Variants in SLC24A3 observed in about 807,000 individuals in gnomAD.
SLC24A3 encodes solute carrier family 24 member 3, also known as sodium/potassium/calcium exchanger 3.
SLC24A3 carries 28 observed loss-of-function variants against 75.8 expected under a neutral mutation model. The ratio of observed to expected loss-of-function variants is 0.37; its 90% CI spans 0.27 to 0.51. The LOEUF is 0.51. SLC24A3 is among the 20% of genes least tolerant of loss of function. SLC24A3 has a pLI of 0.94. For synonymous variants in SLC24A3, 372 were observed against 334.1 expected (o/e 1.11, Z -1.24); for missense variants, 663 against 847.8 (o/e 0.78, Z 2.71).
intron 2 of SLC24A3, among the ~76,000 whole-genome samples, chr20:19,347,203 G>T (rs1050738284): frequency 2.6e-5 from 4 of 152,196 alleles, no homozygotes; most frequent in African/African-American, 9.7e-5. Context: ...GTAGTTGCTT[G>T]GGGCTCCAGG....
chr20:19,692,987 C>G (rs922563167), intron 12 of SLC24A3, among the ~76,000 whole-genome samples: 3 of 152,092 alleles, frequency 2.0e-5, no homozygotes, highest in African/African-American at 7.2e-5. Context: ...TCCCCCTAGC[C>G]TGGTATTACT....
At position 19,685,764 on chromosome 20, in the gene SLC24A3, T is replaced by C. The variant is rs148012568; in HGVS notation, c.1324+403T>C. On this transcript the variant is annotated intron_variant, in intron 12 of 16. Transcript: ENST00000328041. Reference sequence around the variant, plus strand: ...AATCCATCTCGCTGACCAACTGCAATTGGGGATTTATATAGCAGGGAAGGA... The same window carrying C: ...AATCCATCTCGCTGACCAACTGCAACTGGGGATTTATATAGCAGGGAAGGA... Among the ~76,000 whole-genome samples the C allele has an allele frequency of 1.0e-3, 154 of 152,118 alleles. 1 individual carries two copies. The highest frequency in any genetic ancestry group is 3.5e-3 in the African/African-American group (146 of 41,506).
intron 2 of SLC24A3, among the ~76,000 whole-genome samples, chr20:19,294,258 T>G: frequency 6.6e-6 from 1 of 152,348 alleles, no homozygotes; most frequent in East Asian, 1.9e-4. Flanking sequence ...AAATTACTTT[T>G]AATCAATAAA....
intron 3 of SLC24A3, among the ~76,000 whole-genome samples, chr20:19,537,159 T>C (rs1453321511): frequency 3.9e-5 from 6 of 151,966 alleles, no homozygotes; most frequent in Non-Finnish European, 7.4e-5. Flanking sequence ...GAATCTACAA[T>C]GAACTCAAAC....
intron 2 of SLC24A3, among the ~76,000 whole-genome samples, chr20:19,294,169 T>G (rs935687327): frequency 1.4e-4 from 20 of 141,142 alleles, no homozygotes; most frequent in African/African-American, 6.1e-4. Flanking sequence ...TTCCAATTAT[T>G]TTTTAATGGA....
intron 2 of SLC24A3, among the ~76,000 whole-genome samples, chr20:19,422,385 G>A (rs1263551003): frequency 6.6e-6 from 1 of 152,152 alleles, no homozygotes; most frequent in African/African-American, 2.4e-5. Flanking sequence ...GGTATTGTGT[G>A]TTGGGAGAGC....
rs139334103 is a variant in SLC24A3 at position 19,614,551 on chromosome 20, C to T, written c.612+29007C>T. 1.6e-4 allele frequency among the ~76,000 whole-genome samples: 25 copies of T among 152,312 alleles called. No homozygotes were observed. In the East Asian group the frequency reaches 4.6e-3, roughly 28 times the overall value. ...AAGATCGCTTTGGATCCCATTCCACCGTTCTTGCCCACTTAGCACATGTTA... is the reference window on the plus strand; with the variant it reads ...AAGATCGCTTTGGATCCCATTCCACTGTTCTTGCCCACTTAGCACATGTTA... On this transcript the variant is annotated intron_variant, in intron 6 of 16. Transcript: ENST00000328041.
intron 2 of SLC24A3, among the ~76,000 whole-genome samples, chr20:19,303,726 T>C (rs1984254661): frequency 1.3e-5 from 2 of 152,196 alleles, no homozygotes; most frequent in Non-Finnish European, 2.9e-5. Context: ...ACCGTAAATG[T>C]TCTATGCAAA....
At chr20:19,513,400 A>G (rs879739649) in intron 2 of SLC24A3, among the ~76,000 whole-genome samples, 13 of 152,224 alleles carry the variant, frequency 8.5e-5, no homozygotes, top group Non-Finnish European at 1.5e-4. Flanking sequence ...GTTTGTGAGG[A>G]TAAGATGGGA....
At chr20:19,518,906 T>C (rs2030047796) in intron 3 of SLC24A3, among the ~76,000 whole-genome samples, 1 of 152,180 alleles carries the variant, frequency 6.6e-6, no homozygotes, top group Admixed American at 6.5e-5. Flanking sequence ...CAGAAGGGAA[T>C]GTGGAGGACA....
At chr20:19,501,827 C>T (rs1988388723) in intron 2 of SLC24A3, among the ~76,000 whole-genome samples, 1 of 152,116 alleles carries the variant, frequency 6.6e-6, no homozygotes, top group African/African-American at 2.4e-5. Flanking sequence ...AATTAGCTCA[C>T]CTCCCAGGCT....
intron 2 of SLC24A3, among the ~76,000 whole-genome samples, chr20:19,466,981 A>G (rs1223916784): frequency 2.6e-5 from 4 of 152,244 alleles, no homozygotes; most frequent in African/African-American, 7.2e-5. Flanking sequence ...GTTAGGGGAT[A>G]CAGGCACTAG....
chr20:19,676,763 C>T (rs2032528834), intron 9 of SLC24A3, among the ~76,000 whole-genome samples: 1 of 152,148 alleles, frequency 6.6e-6, no homozygotes, highest in African/African-American at 2.4e-5. Context: ...ATAAAGCATG[C>T]CTGGCCTTGG....
intron 1 of SLC24A3, among the ~76,000 whole-genome samples, chr20:19,248,146 A>G (rs1982549448): frequency 6.6e-6 from 1 of 152,236 alleles, no homozygotes; most frequent in Non-Finnish European, 1.5e-5. Context: ...AAAACAAAAC[A>G]AGGTGGAGGG....
chr20:19,492,291 G>A (rs368522393), intron 2 of SLC24A3, among the ~76,000 whole-genome samples: 2 of 152,290 alleles, frequency 1.3e-5, no homozygotes, highest in African/African-American at 4.8e-5. Flanking sequence ...AGAAAACAGG[G>A]TTTTAGATTT....
chr20:19,541,523 G>A (rs1399702737), intron 3 of SLC24A3, among the ~76,000 whole-genome samples: 10 of 152,202 alleles, frequency 6.6e-5, no homozygotes, highest in African/African-American at 2.4e-4. Flanking sequence ...GGGGATTGGT[G>A]TAGTCTAAGG....
chr20:19,681,377 G>T (rs1462068224), intron 9 of SLC24A3, among the ~76,000 whole-genome samples: 1 of 152,200 alleles, frequency 6.6e-6, no homozygotes, highest in Non-Finnish European at 1.5e-5. Flanking sequence ...GTAGCACATA[G>T]ACTGTGACAC....
At chr20:19,470,143 C>T (rs543317997) in intron 2 of SLC24A3, among the ~76,000 whole-genome samples, 23 of 152,242 alleles carry the variant, frequency 1.5e-4, no homozygotes, top group Non-Finnish European at 1.9e-4. Flanking sequence ...TCTTGTCAGC[C>T]GGTTAGAGAT....
intron 2 of SLC24A3, among the ~76,000 whole-genome samples, chr20:19,356,820 G>A (rs2122333234): frequency 6.6e-6 from 1 of 150,424 alleles, no homozygotes; most frequent in South Asian, 2.1e-4. Context: ...GCTCTACATG[G>A]TCATCAGTAC....
Sources: allele counts gnomAD v4.1 joint callset (sites outside exome capture counted in the v4.1 genomes callset), GRCh38; gene constraint gnomAD v4.1.1; transcripts MANE v1.5; gene names NCBI Gene and HGNC (gene_info 2026-07-23, HGNC 2026-07-21).